TLCD4: variants seen among roughly 807,000 people sequenced by gnomAD.
TLCD4 encodes TLC domain containing 4, also known as TLC domain-containing protein 4.
In TLCD4, 7 loss-of-function variants were observed where a neutral mutation model predicts 24.2. The ratio of observed to expected loss-of-function variants is 0.29; its 90% CI spans 0.16 to 0.54. The LOEUF is 0.54. Ranked by LOEUF, TLCD4 falls within the 20% of genes least tolerant of loss-of-function variation. The probability of loss-of-function intolerance (pLI) is 0.95; values close to 1 mark genes in which losing one functional copy is unlikely to be tolerated. For missense variants in TLCD4, 259 were observed against 313.9 expected, an observed-to-expected ratio of 0.82 and a Z score of 1.32; for synonymous variants, 103 against 106.4, an observed-to-expected ratio of 0.97 and a Z score of 0.20.
chr1:95,139,458 T>TTA (rs1677140615), intron 1 of TLCD4, among the ~76,000 whole-genome samples: 2 of 119,104 alleles, frequency 1.7e-5, no homozygotes, highest in Admixed American at 1.9e-4. Flanking sequence ...ACCTTTGATT[T>TTA]TTTTTTTTTT....
intron 6 of TLCD4, among the ~76,000 whole-genome samples, chr1:95,175,696 C>T (rs963825353): frequency 1.3e-5 from 2 of 152,112 alleles, no homozygotes; most frequent in African/African-American, 4.8e-5. Flanking sequence ...TCAACACTTG[C>T]TGTTTTCTGT....
intron 6 of TLCD4, among the ~76,000 whole-genome samples, chr1:95,183,628 G>A (rs1678723858): frequency 6.6e-6 from 1 of 152,034 alleles, no homozygotes; most frequent in South Asian, 2.1e-4. Context: ...CACAAGGTCA[G>A]GAGGAGATCG....
chr1:95,147,682 C>T (rs1422668030), intron 2 of TLCD4, among the ~76,000 whole-genome samples: 3 of 152,046 alleles, frequency 2.0e-5, no homozygotes, highest in Non-Finnish European at 4.4e-5. Context: ...GATTTGGGAT[C>T]ATATTGTAGA....
intron 6 of TLCD4, among the ~76,000 whole-genome samples, chr1:95,180,383 G>A (rs372101499): frequency 9.9e-5 from 15 of 152,284 alleles, no homozygotes; most frequent in South Asian, 2.1e-4. Flanking sequence ...GAGAACTGGC[G>A]TTAGAATATG....
Position 95,173,888 on chromosome 1 carries a change from C to A in TLCD4, c.472C>A (p.Arg158=), listed in dbSNP as rs766893318. 5 of 1,613,962 alleles carry A rather than the reference C, an allele frequency of 3.1e-6. No individual in the cohort carries two copies. Among genetic ancestry groups the A allele is most frequent in the Non-Finnish European group, 4.2e-6 (5 of 1,179,964 alleles). Reference sequence around the variant, plus strand: ...GCTTTCCAGCCCGTTTGTGAATCAGCGGTATGTTACTGATATCATTGATTA... The same window carrying A: ...GCTTTCCAGCCCGTTTGTGAATCAGAGGTATGTTACTGATATCATTGATTA... The part of the protein sequence containing the change: ...AELSSPFVNQ[R]WFFEALKYPK... The change falls in exon 6 of 7, where the codon CGG becomes AGG. Residue 158 remains arginine, a splice_region_variant and synonymous_variant. Coordinates refer to ENST00000370203, the MANE Select transcript of TLCD4 (RefSeq NM_152487.3).
chr1:95,113,733 C>T (rs943929780), upstream of TLCD4, among the ~76,000 whole-genome samples: 3 of 151,740 alleles, frequency 2.0e-5, no homozygotes, highest in Non-Finnish European at 4.4e-5. Context: ...TAATAAAATG[C>T]GCAAAAAGAA....
chr1:95,114,086 G>T (rs918472261), upstream of TLCD4, among the ~76,000 whole-genome samples: 1 of 152,134 alleles, frequency 6.6e-6, no homozygotes, highest in Non-Finnish European at 1.5e-5. Context: ...TAGAGACAGG[G>T]TCTCACTCTG....
At chr1:95,138,687 G>A (rs1677112283) in intron 1 of TLCD4, 1 of 151,604 alleles carries the variant, frequency 6.6e-6, no homozygotes, top group African/African-American at 2.4e-5. Context: ...AAGTATTTGT[G>A]TATCTAAATA....
chr1:95,121,734 T>C, intron 1 of TLCD4, among the ~76,000 whole-genome samples: 1 of 152,176 alleles, frequency 6.6e-6, no homozygotes. Flanking sequence ...CCTCCCAAAG[T>C]GTTGGGATTA....
chr1:95,148,841 T>C (rs1317804102), intron 3 of TLCD4, 50 bp downstream of exon 3: 1 of 1,593,906 alleles, frequency 6.3e-7, no homozygotes, highest in Admixed American at 1.8e-5. Flanking sequence ...TGTTTTGATA[T>C]TAATTATTTA....
chr1:95,101,796 G>A, the TLCD4 span, among the ~76,000 whole-genome samples: 2 of 152,166 alleles, frequency 1.3e-5, no homozygotes, highest in Admixed American at 6.5e-5. Context: ...AAGAGGGAGA[G>A]AGAAATTCTC....
intron 6 of TLCD4, among the ~76,000 whole-genome samples, chr1:95,181,080 G>C (rs1180513174): frequency 2.0e-5 from 3 of 152,142 alleles, no homozygotes; most frequent in Non-Finnish European, 4.4e-5. Context: ...CTGGGTGATA[G>C]AGTGAGACTC....
the TLCD4 span, among the ~76,000 whole-genome samples, chr1:95,096,009 T>C: frequency 2.6e-5 from 4 of 152,220 alleles, no homozygotes; most frequent in African/African-American, 9.6e-5. Context: ...TGTGAAACCA[T>C]TCAAGACTTT....
At chr1:95,156,886 A>G (rs1240730563) in intron 5 of TLCD4, among the ~76,000 whole-genome samples, 1 of 152,140 alleles carries the variant, frequency 6.6e-6, no homozygotes, top group East Asian at 1.9e-4. Flanking sequence ...AGTGGCCCAT[A>G]TGCCATTAGA....
At chr1:95,128,435 CATGTAA>C (rs1461054257) in intron 1 of TLCD4, among the ~76,000 whole-genome samples, 1 of 152,076 alleles carries the variant, frequency 6.6e-6, no homozygotes, top group Non-Finnish European at 1.5e-5. Flanking sequence ...AAAGCTAGAA[CATGTAA>C]ATGTAAGCTA....
chr1:95,159,856 T>C (rs1177851138), intron 5 of TLCD4, among the ~76,000 whole-genome samples: 2 of 152,202 alleles, frequency 1.3e-5, no homozygotes, highest in African/African-American at 4.8e-5. Flanking sequence ...CTCTGTTCCA[T>C]TGGTCAACAT....
upstream of TLCD4, among the ~76,000 whole-genome samples, chr1:95,113,040 T>C (rs1000425957): frequency 2.0e-5 from 3 of 150,670 alleles, no homozygotes; most frequent in Non-Finnish European, 4.4e-5. Context: ...TTTTCTTTTC[T>C]TTCTTTTTTT....
chr1:95,105,977 A>G, the TLCD4 span, among the ~76,000 whole-genome samples: 47 of 152,070 alleles, frequency 3.1e-4, 2 homozygotes, highest in South Asian at 9.4e-3. Context: ...GTTTGGAGGC[A>G]GTTGTTCTAA....
At chr1:95,122,970 GA>G (rs1261547585) in intron 1 of TLCD4, among the ~76,000 whole-genome samples, 1 of 151,384 alleles carries the variant, frequency 6.6e-6, no homozygotes, top group African/African-American at 2.4e-5. Flanking sequence ...TTATGGACAT[GA>G]TTTTTTTTTT....
Sources: allele counts gnomAD v4.1 joint callset (sites outside exome capture counted in the v4.1 genomes callset), GRCh38; gene constraint gnomAD v4.1.1; transcripts MANE v1.5; gene names NCBI Gene and HGNC (gene_info 2026-07-23, HGNC 2026-07-21).